LIN9: variants seen among roughly 807,000 people sequenced by gnomAD.
The protein encoded by LIN9 is protein lin-9 homolog.
In LIN9, 18 loss-of-function variants were observed where a neutral mutation model predicts 78.0. The observed-to-expected ratio is 0.23, with a 90% CI of 0.16 to 0.34. The LOEUF is 0.34. LIN9 is among the 10% of genes least tolerant of loss of function. LIN9 has a pLI of 1.00. For missense variants in LIN9, 451 were observed against 644.1 expected, an observed-to-expected ratio of 0.70 and a Z score of 3.25; for synonymous variants, 192 against 215.2, an observed-to-expected ratio of 0.89 and a Z score of 0.94.
intron 2 of LIN9, among the ~76,000 whole-genome samples, chr1:226,298,455 G>A (rs1056019716): frequency 5.3e-5 from 8 of 152,150 alleles, no homozygotes; most frequent in Admixed American, 1.3e-4. Context: ...TGATCTACCC[G>A]CCTCAGTGTC....
In LIN9 at chr1:226,265,620, T is replaced by C. The variant is rs1659853282; in HGVS notation, c.951A>G (p.Leu317=). 2 of 1,582,278 alleles carry C rather than the reference T, an allele frequency of 1.3e-6. No individual in the cohort carries two copies. Among genetic ancestry groups the C allele is most frequent in the Admixed American group, 3.3e-5 (2 of 59,836 alleles). ...TACTTCTCCACGGCGACTGTCCTAA[T>C]AAAGGATCATTATCCTATGGGAATA... ...LQSPIIDNDP[L]LGQSPWRSKI... The change falls in exon 10 of 15, where the codon TTA becomes TTG. Residue 317 remains leucine (L), a synonymous_variant. Coordinates refer to ENST00000681046, the MANE Select transcript of LIN9 (RefSeq NM_001366245.2). The surrounding 1 kb of genome is among the most constrained non-coding windows in gnomAD (Gnocchi z 4.1).
At chr1:226,235,006 T>C (rs1423269414) in intron 12 of LIN9, among the ~76,000 whole-genome samples, 1 of 151,636 alleles carries the variant, frequency 6.6e-6, no homozygotes, top group Non-Finnish European at 1.5e-5. Flanking sequence ...ACTTATTTGC[T>C]TCTTTGCTCA....
At chr1:226,237,943 ACT>A (rs1368228984) in intron 12 of LIN9, among the ~76,000 whole-genome samples, 3 of 118,128 alleles carry the variant, frequency 2.5e-5, no homozygotes, top group African/African-American at 3.3e-5. Context: ...ACAGAGTAAG[ACT>A]CTGTCTCAAA....
chr1:226,299,046 T>G (rs1171989097), intron 2 of LIN9, among the ~76,000 whole-genome samples: 1 of 152,012 alleles, frequency 6.6e-6, no homozygotes, highest in Non-Finnish European at 1.5e-5. Flanking sequence ...ATTGTGAAAA[T>G]AAAGAGGGGT....
intron 6 of LIN9, among the ~76,000 whole-genome samples, chr1:226,278,467 C>G (rs1309544676): frequency 6.6e-6 from 1 of 151,758 alleles, no homozygotes. Flanking sequence ...ACCTTAAAAT[C>G]TATTCATCTC....
At position 226,277,683 on chromosome 1, in the gene LIN9, AAAATG is replaced by A. The variant is rs751198164; in HGVS notation, c.682+87_682+91del. On this transcript the variant is annotated intron_variant, in intron 7 of 14. Coordinates refer to ENST00000681046, the MANE Select transcript of LIN9 (RefSeq NM_001366245.2). ...TATTGTAAATATTTCTTGGTAATTA[AAAATG>A]AAATAAAATAAGAACCAAAGAAACA... The A allele has an allele frequency of 6.0e-5, 69 of 1,144,994 alleles. No individual in the cohort carries two copies. The East Asian group carries it at 1.6e-3, about 27-fold the overall frequency. 70.9% of individuals were successfully genotyped at this position (1,144,994 alleles called of 1,614,324 possible). A position where few individuals can be genotyped will look rare whatever the true frequency, so the allele number is the denominator to read the frequency against.
chr1:226,301,891 A>C (rs1216231958), intron 1 of LIN9, among the ~76,000 whole-genome samples: 1 of 152,122 alleles, frequency 6.6e-6, no homozygotes, highest in Non-Finnish European at 1.5e-5. Flanking sequence ...CAACATAAGG[A>C]GATCCTGTCT....
At chr1:226,298,182 C>T (rs749855510) in intron 2 of LIN9, among the ~76,000 whole-genome samples, 2 of 152,154 alleles carry the variant, frequency 1.3e-5, no homozygotes, top group Non-Finnish European at 2.9e-5. Context: ...CTTTTCTAAC[C>T]TTGAATTTAG....
chr1:226,275,568 CT>C (rs1660593534), intron 7 of LIN9, among the ~76,000 whole-genome samples: 1 of 151,818 alleles, frequency 6.6e-6, no homozygotes, highest in Non-Finnish European at 1.5e-5. Flanking sequence ...TGGCGTGCAC[CT>C]GCAGTCCCAG....
In LIN9 at chr1:226,258,894, C is replaced by CAAAAAAAAAAA. The variant is rs770169450; in HGVS notation, c.1038+6628_1038+6638dup. 1.1e-4 allele frequency among the ~76,000 whole-genome samples: 6 copies of CAAAAAAAAAAA among 54,778 alleles called. 1 individual carries two copies. Among genetic ancestry groups the CAAAAAAAAAAA allele is most frequent in the African/African-American group, 1.6e-4 (2 of 12,760 alleles). 35.9% of individuals were successfully genotyped at this position (54,778 alleles called of 152,430 possible). A position where few individuals can be genotyped will look rare whatever the true frequency, so the allele number is the denominator to read the frequency against. The stretch of plus-strand genomic sequence containing the variant: ...GTGACAGAGCAAGACTCTGTCTCAA[C>CAAAAAAAAAAA]AAAAAAAAAAAAAAAAAAAAAAAAA... On this transcript the variant is annotated intron_variant, in intron 10 of 14. Coordinates refer to ENST00000681046, the MANE Select transcript of LIN9 (RefSeq NM_001366245.2).
At chr1:226,306,307 C>G (rs1662913253) in intron 1 of LIN9, among the ~76,000 whole-genome samples, 1 of 151,548 alleles carries the variant, frequency 6.6e-6, no homozygotes, top group Non-Finnish European at 1.5e-5. Context: ...CTAGGTGACA[C>G]AGCAAGACTC....
intron 1 of LIN9, among the ~76,000 whole-genome samples, chr1:226,304,793 T>G (rs1320949114): frequency 6.6e-6 from 1 of 152,160 alleles, no homozygotes; most frequent in Non-Finnish European, 1.5e-5. Context: ...GGAATGCAAT[T>G]AAGACAGTAC....
At chr1:226,268,287 T>A (rs1258278838) in intron 7 of LIN9, among the ~76,000 whole-genome samples, 197 bp from the exon 8 acceptor site, 1 of 152,170 alleles carries the variant, frequency 6.6e-6, no homozygotes, top group Non-Finnish European at 1.5e-5. Context: ...TAAATGATGA[T>A]CCCTAATTTC....
In LIN9 at chr1:226,239,239, T is replaced by G. The variant is rs563582054; in HGVS notation, c.1120-143A>C. 16 of 769,210 alleles carry G rather than the reference T, an allele frequency of 2.1e-5. 1 individual carries two copies. In the South Asian group the frequency reaches 2.9e-4, roughly 14 times the overall value. The allele number at this position is 769,210 out of a possible 1,614,324, so 47.6% of individuals were successfully genotyped here. A position where few individuals can be genotyped will look rare whatever the true frequency, so the allele number is the denominator to read the frequency against. ...CTGTTTTAATTGTTATAGTCTTGTC[T>G]GTGATAATGGCATTGTTATTTAGGA... On this transcript the variant is annotated intron_variant, in intron 11 of 14. Transcript: ENST00000681046.
chr1:226,260,777 T>A (rs1235104235), intron 10 of LIN9, among the ~76,000 whole-genome samples: 1 of 151,570 alleles, frequency 6.6e-6, no homozygotes, highest in Non-Finnish European at 1.5e-5. Context: ...CCCGAGTAAC[T>A]GGGACTACAG....
chr1:226,245,554 C>G (rs1186946154), intron 11 of LIN9, among the ~76,000 whole-genome samples: 1 of 151,986 alleles, frequency 6.6e-6, no homozygotes, highest in African/African-American at 2.4e-5. Flanking sequence ...TCCTGAGGAG[C>G]TGGAACTATA....
chr1:226,308,139 G>T (rs1558215803), intron 1 of LIN9, among the ~76,000 whole-genome samples: 1 of 152,220 alleles, frequency 6.6e-6, no homozygotes, highest in East Asian at 1.9e-4. Context: ...ACTGAATAGT[G>T]AAAGTGGATT....
rs1446493911 is a variant in LIN9, at chr1:226,289,112, G to A, written c.265-1315C>T. Among the ~76,000 whole-genome samples, 8 of 152,170 alleles carry A rather than the reference G, an allele frequency of 5.3e-5. No homozygotes were observed. The East Asian group carries it at 1.4e-3, about 26-fold the overall frequency. On this transcript the variant is annotated intron_variant, in intron 4 of 14. Transcript: ENST00000681046. ...TTAGCCGGGCGTGGTGGCTGTGCCTGTAGTGCCAGCTACTCAGGAGGCTGA... is the reference window on the plus strand; with the variant it reads ...TTAGCCGGGCGTGGTGGCTGTGCCTATAGTGCCAGCTACTCAGGAGGCTGA...
At chr1:226,299,149 T>C (rs1255054581) in intron 2 of LIN9, among the ~76,000 whole-genome samples, 10 of 152,182 alleles carry the variant, frequency 6.6e-5, no homozygotes, top group Non-Finnish European at 1.5e-4. Context: ...TTCTAGTGGC[T>C]CATCAGCATT....
Sources: gnomAD v4.1 joint callset for allele counts (sites outside exome capture counted in the v4.1 genomes callset) on GRCh38, gnomAD v4.1.1 for gene constraint, Gnocchi (gnomAD v3.1) non-coding constraint, MANE v1.5 for transcripts, NCBI Gene and HGNC (gene_info 2026-07-23, HGNC 2026-07-21) for gene names.